The following LRP1B variants were observed in gnomAD, a reference collection of about 807,000 sequenced individuals.
LRP1B encodes LDL receptor related protein 1B, also known as low-density lipoprotein receptor-related protein 1B.
In LRP1B, 217 loss-of-function variants were observed where a neutral mutation model predicts 556.6. The ratio of observed to expected loss-of-function variants is 0.39; its 90% CI spans 0.35 to 0.44. LRP1B has a LOEUF of 0.44. LRP1B is among the 20% of genes least tolerant of loss of function. LRP1B has a pLI of 1.00. For synonymous variants in LRP1B, 2,047 were observed against 1,865.8 expected (o/e 1.10, Z -2.50); for missense variants, 5,053 against 5,620.8 (o/e 0.90, Z 3.23).
intron 84 of LRP1B, among the ~76,000 whole-genome samples, chr2:140,282,125 G>A (rs1682939894): frequency 6.6e-6 from 1 of 151,770 alleles, no homozygotes; most frequent in African/African-American, 2.4e-5. Context: ...TCTTTGAACT[G>A]AGGCAGTTAC....
chr2:141,842,970 T>C (rs1488265458), intron 1 of LRP1B, among the ~76,000 whole-genome samples: 1 of 152,156 alleles, frequency 6.6e-6, no homozygotes, highest in African/African-American at 2.4e-5. Context: ...TGAAAATCAT[T>C]TAAAAAACTA....
At chr2:140,437,137 C>T (rs756137845) in intron 66 of LRP1B, among the ~76,000 whole-genome samples, 77 of 152,052 alleles carry the variant, frequency 5.1e-4, no homozygotes, top group Non-Finnish European at 9.1e-4. Context: ...ACCCACAGTG[C>T]GTGAGTGAGG....
chr2:140,265,957 A>G (rs1682183291), intron 86 of LRP1B, among the ~76,000 whole-genome samples: 1 of 152,016 alleles, frequency 6.6e-6, no homozygotes, highest in Non-Finnish European at 1.5e-5. Context: ...TAGGTAAAAC[A>G]AGCATAATCT....
intron 2 of LRP1B, among the ~76,000 whole-genome samples, chr2:141,675,382 C>A (rs1690836396): frequency 6.6e-6 from 1 of 151,710 alleles, no homozygotes; most frequent in African/African-American, 2.4e-5. Context: ...GTATCTTTAA[C>A]CCAATCTTTG....
At chr2:141,346,640 C>T (rs1048160844) in intron 3 of LRP1B, among the ~76,000 whole-genome samples, 4 of 152,038 alleles carry the variant, frequency 2.6e-5, no homozygotes, top group African/African-American at 4.8e-5. Flanking sequence ...TGACCCTTGA[C>T]GGTTGGGGCA....
chr2:141,544,381 TCTCCTCCTCCTCCTCCTCCTCCTCCTCC>T (rs1685463971), intron 2 of LRP1B, among the ~76,000 whole-genome samples: 3 of 79,752 alleles, frequency 3.8e-5, no homozygotes, highest in African/African-American at 8.7e-5. Context: ...TTCTTCTTCT[TCTCCTCCTCCTCCTCCTCCTCCTCCTCC>T]TCCTTCTCCT....
At chr2:140,486,315 T>C (rs1177181214) in intron 58 of LRP1B, among the ~76,000 whole-genome samples, 2 of 151,950 alleles carry the variant, frequency 1.3e-5, no homozygotes, top group South Asian at 2.1e-4. Flanking sequence ...ATAATAAAGA[T>C]ACAAATGAAA....
rs1699351420 is a variant in LRP1B at position 141,062,072 on chromosome 2, G to A, written c.1215C>T (p.His405=). 4 of 1,611,560 alleles carry A rather than the reference G, an allele frequency of 2.5e-6. No homozygotes were observed. Among genetic ancestry groups the A allele is most frequent in the East Asian group, 2.2e-5 (1 of 44,790 alleles). Residue 405 remains histidine (H), a synonymous_variant, in exon 8 of 91, where the codon CAC becomes CAT. Coordinates refer to ENST00000389484, the MANE Select transcript of LRP1B (RefSeq NM_018557.3). ...TTACTTGTCTGCCTTGAATGACAGT[G>A]TGTCTATTTTTTCCTTGATAGTCCA... The part of the protein sequence containing the change: ...GVVDYQGKNR[H]TVIQGRQVRH...
intron 2 of LRP1B, among the ~76,000 whole-genome samples, chr2:141,662,054 A>G (rs562253903): frequency 4.4e-4 from 67 of 152,312 alleles, no homozygotes; most frequent in African/African-American, 1.4e-3. Flanking sequence ...GGAATTTCCA[A>G]TCGAGAAATT....
chr2:141,405,981 C>T (rs981850866), intron 3 of LRP1B, among the ~76,000 whole-genome samples: 1 of 151,892 alleles, frequency 6.6e-6, no homozygotes, highest in African/African-American at 2.4e-5. Context: ...CAAAAATGAC[C>T]TCTTAGAAGT....
At chr2:141,380,628 C>T (rs1335307156) in intron 3 of LRP1B, among the ~76,000 whole-genome samples, 1 of 152,144 alleles carries the variant, frequency 6.6e-6, no homozygotes, top group East Asian at 1.9e-4. Flanking sequence ...ATTTCAAGAG[C>T]ATTCTAAACA....
chr2:140,979,152 T>C (rs890826532), intron 18 of LRP1B, among the ~76,000 whole-genome samples: 5 of 151,936 alleles, frequency 3.3e-5, no homozygotes, highest in African/African-American at 1.2e-4. Flanking sequence ...CTTATTTTTG[T>C]ATATTTAGTA....
intron 2 of LRP1B, among the ~76,000 whole-genome samples, chr2:141,539,617 G>T (rs1013631296): frequency 6.6e-6 from 1 of 152,086 alleles, no homozygotes; most frequent in Admixed American, 6.6e-5. Context: ...ATGGTTGCAG[G>T]ATTAGACCAG....
At chr2:140,629,718 C>T (rs962618081) in intron 41 of LRP1B, among the ~76,000 whole-genome samples, 2 of 152,268 alleles carry the variant, frequency 1.3e-5, no homozygotes, top group Non-Finnish European at 2.9e-5. Context: ...AGCAAATCTT[C>T]CTATCATACA....
intron 1 of LRP1B, among the ~76,000 whole-genome samples, chr2:141,826,651 GC>G (rs1346723756): frequency 6.6e-6 from 1 of 152,028 alleles, no homozygotes; most frequent in African/African-American, 2.4e-5. Context: ...GAGCCACCAC[GC>G]CCGACCAGAA....
chr2:140,235,772 G>A (rs2104876486), intron 89 of LRP1B, among the ~76,000 whole-genome samples: 1 of 150,814 alleles, frequency 6.6e-6, no homozygotes, highest in Non-Finnish European at 1.5e-5. Flanking sequence ...GTACAAAATT[G>A]GATTAATTCT....
chr2:140,888,309 AATAAT>A (rs1693700335), intron 23 of LRP1B, among the ~76,000 whole-genome samples: 1 of 152,130 alleles, frequency 6.6e-6, no homozygotes, highest in African/African-American at 2.4e-5. Flanking sequence ...AAATTAATGG[AATAAT>A]ATTTCAACTC....
intron 31 of LRP1B, among the ~76,000 whole-genome samples, chr2:140,818,924 G>T (rs1438832068): frequency 8.1e-6 from 1 of 123,940 alleles, no homozygotes; most frequent in Non-Finnish European, 1.6e-5. Context: ...GCAACAGAGC[G>T]AGACTCTGTC....
At chr2:141,550,005 A>G (rs1464537289) in intron 2 of LRP1B, among the ~76,000 whole-genome samples, 1 of 152,212 alleles carries the variant, frequency 6.6e-6, no homozygotes, top group Non-Finnish European at 1.5e-5. Flanking sequence ...GGAAAAAGAA[A>G]AAGAAACACT....
Sources: gnomAD v4.1 joint callset for allele counts (sites outside exome capture counted in the v4.1 genomes callset) on GRCh38, gnomAD v4.1.1 for gene constraint, MANE v1.5 for transcripts, NCBI Gene and HGNC (gene_info 2026-07-23, HGNC 2026-07-21) for gene names.